Variants in ZNF385D observed in about 807,000 individuals in gnomAD.
ZNF385D encodes the protein zinc finger protein 659.
Under a neutral mutation model 35.8 loss-of-function variants are expected in ZNF385D, and 15 were observed. The ratio of observed to expected loss-of-function variants is 0.42; its 90% CI spans 0.28 to 0.64. ZNF385D has a LOEUF of 0.64. ZNF385D is among the 30% of genes least tolerant of loss of function. The probability of loss-of-function intolerance (pLI) is 0.23; values close to 1 mark genes in which losing one functional copy is unlikely to be tolerated. For missense variants in ZNF385D, 474 were observed against 494.6 expected, an observed-to-expected ratio of 0.96 and a Z score of 0.39; for synonymous variants, 212 against 186.8, an observed-to-expected ratio of 1.13 and a Z score of -1.10.
chr3:21,506,550 A>T (rs144544412), intron 4 of ZNF385D, among the ~76,000 whole-genome samples: 75 of 152,274 alleles, frequency 4.9e-4, no homozygotes, highest in African/African-American at 1.7e-3. Context: ...CAAACAACAC[A>T]AGTTAGTTAC....
At chr3:21,647,166 G>C (rs1461809668) in intron 2 of ZNF385D, among the ~76,000 whole-genome samples, 1 of 152,118 alleles carries the variant, frequency 6.6e-6, no homozygotes, top group East Asian at 1.9e-4. Context: ...CTAAGTACTA[G>C]TATTTTAAAG....
intron 2 of ZNF385D, among the ~76,000 whole-genome samples, chr3:22,194,387 T>G (rs1696265230): frequency 6.6e-6 from 1 of 151,888 alleles, no homozygotes; most frequent in Non-Finnish European, 1.5e-5. Context: ...CAGGTATTTT[T>G]GGTGCATAAT....
intron 3 of ZNF385D, among the ~76,000 whole-genome samples, chr3:21,814,653 C>A (rs1238177689): frequency 6.6e-6 from 1 of 152,144 alleles, no homozygotes; most frequent in African/African-American, 2.4e-5. Flanking sequence ...TATATATGCA[C>A]CCAATACAGG....
intron 2 of ZNF385D, among the ~76,000 whole-genome samples, chr3:22,318,373 A>G (rs981139678): frequency 2.0e-5 from 3 of 152,220 alleles, no homozygotes; most frequent in Non-Finnish European, 4.4e-5. Flanking sequence ...GAAGAGAGCA[A>G]ACATCAGATA....
intron 4 of ZNF385D, among the ~76,000 whole-genome samples, chr3:21,453,406 A>G (rs1442797922): frequency 6.6e-6 from 1 of 152,006 alleles, no homozygotes; most frequent in African/African-American, 2.4e-5. Context: ...TGTGTAAAAA[A>G]ACACTACCAA....
At chr3:22,358,762 A>G (rs1381312917) in intron 2 of ZNF385D, among the ~76,000 whole-genome samples, 2 of 151,806 alleles carry the variant, frequency 1.3e-5, no homozygotes, top group African/African-American at 2.4e-5. Context: ...CAGAGGACTT[A>G]AAAAGCAAGG....
At chr3:22,122,008 C>G (rs1210696605) in intron 3 of ZNF385D, among the ~76,000 whole-genome samples, 1 of 152,128 alleles carries the variant, frequency 6.6e-6, no homozygotes, top group East Asian at 1.9e-4. Flanking sequence ...ACAACCTGAT[C>G]ATTACTGAGA....
At chr3:22,200,163 A>T (rs1338300989) in intron 2 of ZNF385D, among the ~76,000 whole-genome samples, 2 of 152,092 alleles carry the variant, frequency 1.3e-5, no homozygotes, top group Non-Finnish European at 2.9e-5. Context: ...CATAAATTTG[A>T]TTAGGAAATT....
chr3:22,071,428 G>A (rs1490200552), intron 3 of ZNF385D, among the ~76,000 whole-genome samples: 1 of 152,112 alleles, frequency 6.6e-6, no homozygotes, highest in Non-Finnish European at 1.5e-5. Flanking sequence ...CATACTAGAG[G>A]TCACTAGGTG....
chr3:22,176,829 C>A (rs1271464899), intron 2 of ZNF385D, among the ~76,000 whole-genome samples: 3 of 151,982 alleles, frequency 2.0e-5, no homozygotes, highest in Non-Finnish European at 4.4e-5. Flanking sequence ...CATAGTTTAA[C>A]CTCGAAAATA....
intron 4 of ZNF385D, among the ~76,000 whole-genome samples, chr3:21,451,269 C>T (rs960821574): frequency 1.3e-5 from 2 of 151,910 alleles, no homozygotes; most frequent in Non-Finnish European, 2.9e-5. Context: ...ATTTCTGAGA[C>T]GCTAATAAAA....
At chr3:22,033,268 G>A (rs1209773636) in intron 3 of ZNF385D, among the ~76,000 whole-genome samples, 1 of 151,874 alleles carries the variant, frequency 6.6e-6, no homozygotes, top group Non-Finnish European at 1.5e-5. Flanking sequence ...CTGGCATGGT[G>A]GCGCGTGCCT....
chr3:22,233,189 G>C (rs1278221568), intron 2 of ZNF385D, among the ~76,000 whole-genome samples: 1 of 151,204 alleles, frequency 6.6e-6, no homozygotes, highest in Non-Finnish European at 1.5e-5. Context: ...TATTATTATA[G>C]CTTCAGCCTT....
At chr3:21,752,619 G>T (rs554979819), upstream of ZNF385D, among the ~76,000 whole-genome samples, 79 of 152,190 alleles carry the variant, frequency 5.2e-4, no homozygotes, top group African/African-American at 1.8e-3. Context: ...AAAGAATTTG[G>T]TGAGTGAAAG....
At chr3:21,818,979 A>G (rs533167567) in intron 3 of ZNF385D, among the ~76,000 whole-genome samples, 103 of 152,164 alleles carry the variant, frequency 6.8e-4, no homozygotes, top group African/African-American at 2.3e-3. Context: ...AAATTAAACA[A>G]AAGTAAAATT....
intron 3 of ZNF385D, among the ~76,000 whole-genome samples, chr3:22,081,573 T>C (rs1414707744): frequency 6.6e-6 from 1 of 152,168 alleles, no homozygotes; most frequent in Non-Finnish European, 1.5e-5. Flanking sequence ...ACACTTCCAA[T>C]AGATAGACTG....
At chr3:22,180,481 C>G (rs1576455166) in intron 2 of ZNF385D, among the ~76,000 whole-genome samples, 2 of 151,944 alleles carry the variant, frequency 1.3e-5, no homozygotes, top group South Asian at 2.1e-4. Context: ...AGACACAACA[C>G]AAAAAGGGAA....
intron 3 of ZNF385D, among the ~76,000 whole-genome samples, chr3:21,897,583 G>A (rs185854456): frequency 1.1e-4 from 17 of 152,010 alleles, no homozygotes; most frequent in Non-Finnish European, 2.4e-4. Context: ...GGTTTCAGAC[G>A]ATTAAGATGA....
At chr3:22,328,143 T>C (rs115327450) in intron 2 of ZNF385D, among the ~76,000 whole-genome samples, 1,611 of 152,278 alleles carry the variant, frequency 0.011, 21 homozygotes, top group African/African-American at 0.036. Context: ...ACAGTGAGAT[T>C]ACTGCTCCAT....
Sources: gnomAD v4.1 joint callset for allele counts (sites outside exome capture counted in the v4.1 genomes callset) on GRCh38, gnomAD v4.1.1 for gene constraint, MANE v1.5 for transcripts, NCBI Gene and HGNC (gene_info 2026-07-23, HGNC 2026-07-21) for gene names.